The following USP32 variants were observed in gnomAD, a reference collection of about 807,000 sequenced individuals.
The protein encoded by USP32 is ubiquitin specific peptidase 32.
In USP32, 59 loss-of-function variants were observed where a neutral mutation model predicts 204.8. The ratio of observed to expected loss-of-function variants is 0.29; its 90% CI spans 0.23 to 0.36. USP32 has a LOEUF of 0.36. Among genes scored for constraint, USP32 ranks in the 10% least tolerant of loss-of-function variants. USP32 has a pLI of 1.00. For synonymous variants in USP32, 517 were observed against 678.4 expected (o/e 0.76, Z 3.70); for missense variants, 1,160 against 1,946.4 (o/e 0.60, Z 7.60).
intron 28 of USP32, among the ~76,000 whole-genome samples, chr17:60,191,441 A>G (rs959258968): frequency 6.9e-6 from 1 of 144,144 alleles, no homozygotes; most frequent in Non-Finnish European, 1.5e-5. Flanking sequence ...ATAGAGTTGC[A>G]GAGGTGGGGT....
rs148679051 is a variant in USP32, at chr17:60,332,239, C to T, written c.186+13242G>A. On this transcript the variant is annotated intron_variant, in intron 2 of 33. Coordinates refer to ENST00000300896, the MANE Select transcript of USP32 (RefSeq NM_032582.4). The stretch of plus-strand genomic sequence containing the variant: ...CGCCACTCCAGCCTGGGTGACAGAG[C>T]GAGATGCTGTCTCAAGAAAGAAAAA... 7.3e-3 allele frequency among the ~76,000 whole-genome samples: 1,111 copies of T among 151,594 alleles called. 17 individuals carry two copies. The highest frequency in any genetic ancestry group is 0.026 in the African/African-American group (1,059 of 41,326).
chr17:60,374,461 G>A (rs1255174733), intron 1 of USP32, among the ~76,000 whole-genome samples: 1 of 151,264 alleles, frequency 6.6e-6, no homozygotes, highest in Non-Finnish European at 1.5e-5. Flanking sequence ...GCACTGGCGT[G>A]ATCAAGGCTC....
intron 19 of USP32, among the ~76,000 whole-genome samples, 181 bp from the exon 20 acceptor site, chr17:60,211,695 T>C (rs567007474): frequency 6.6e-6 from 1 of 152,254 alleles, no homozygotes; most frequent in East Asian, 1.9e-4. Flanking sequence ...CTGGCAACAG[T>C]GATGATCCAT....
At chr17:60,421,928 A>G (rs1479459831) in intron 1 of USP32, 3 of 985,598 alleles carry the variant, frequency 3.0e-6, no homozygotes, top group African/African-American at 1.7e-5. Flanking sequence ...TACCTGCCCC[A>G]GGGAAGGCCG....
intron 2 of USP32, among the ~76,000 whole-genome samples, chr17:60,318,172 G>T (rs986597261): frequency 2.6e-5 from 4 of 152,116 alleles, no homozygotes; most frequent in African/African-American, 9.7e-5. Context: ...TTCATCTTAG[G>T]CTGTGACACT....
chr17:60,421,402 C>G (rs2090112060), intron 1 of USP32: 1 of 985,516 alleles, frequency 1.0e-6, no homozygotes, highest in Non-Finnish European at 1.2e-6. Flanking sequence ...CTCCTGTGCC[C>G]GAGGTGGCCG....
In USP32 at chr17:60,265,467, T is replaced by C. The variant is rs143667322; in HGVS notation, c.935A>G (p.His312Arg). 1.7e-3 allele frequency: 2,746 copies of C among 1,598,302 alleles called. 1 individual carries two copies. Among genetic ancestry groups the C allele is most frequent in the Non-Finnish European group, 2.2e-3 (2,563 of 1,168,286 alleles). ...TTCTACAATATCAGAGAGATCCATATGTAATTCCTTTAAAAATAACCCAAA... is the reference window on the plus strand; with the variant it reads ...TTCTACAATATCAGAGAGATCCATACGTAATTCCTTTAAAAATAACCCAAA... ...DNRTDDIPEL[H>R]MDLSDIVEGI... Residue 312 changes from histidine (H) to arginine (R), a missense_variant, in exon 9 of 34, where the codon CAT becomes CGT. His to Arg is a conservative substitution (Grantham distance 29). This residue lies in a region of USP32 where 536 missense variants were observed against 680.9 expected (regional missense o/e 0.79). Transcript: ENST00000300896.
At chr17:60,210,098 G>T (rs1314007793) in intron 21 of USP32, among the ~76,000 whole-genome samples, 2 of 151,852 alleles carry the variant, frequency 1.3e-5, no homozygotes, top group Non-Finnish European at 2.9e-5. Context: ...TTATATTATA[G>T]AATTATTTTG....
intron 14 of USP32, among the ~76,000 whole-genome samples, chr17:60,222,768 G>A (rs1208860606): frequency 6.9e-6 from 1 of 144,346 alleles, no homozygotes; most frequent in African/African-American, 2.6e-5. Flanking sequence ...TGCAGCCTCC[G>A]CCTCCCGGGT....
intron 1 of USP32, among the ~76,000 whole-genome samples, chr17:60,365,218 T>C (rs1220027790): frequency 6.6e-6 from 1 of 152,122 alleles, no homozygotes; most frequent in Admixed American, 6.5e-5. Context: ...CGGTGGCTCA[T>C]ACCTGTAATC....
chr17:60,392,018 G>GGGTGAC lies in USP32; in HGVS notation c.-85_-80dup, dbSNP rs2089847303. 6.1e-6 allele frequency: 9 copies of GGGTGAC among 1,481,204 alleles called. No homozygotes were observed. The highest frequency in any genetic ancestry group is 5.2e-5 in the East Asian group (2 of 38,410). 91.8% of individuals were successfully genotyped at this position (1,481,204 alleles called of 1,614,324 possible). ...CTCCCGCCTTCTCCTCGGCGTCCCT[G>GGGTGAC]GGTGACGGTGACGGTGTCGGCGTCC... is the stretch of plus-strand genomic sequence containing the variant. On this transcript the variant is annotated 5_prime_UTR_variant, in exon 1 of 34. Coordinates refer to ENST00000300896, the MANE Select transcript of USP32 (RefSeq NM_032582.4).
At chr17:60,312,566 A>G (rs1192006075) in intron 2 of USP32, among the ~76,000 whole-genome samples, 1 of 152,030 alleles carries the variant, frequency 6.6e-6, no homozygotes, top group Non-Finnish European at 1.5e-5. Flanking sequence ...GAGGACTCCC[A>G]AGTAGCTGAG....
At chr17:60,383,578 A>G (rs910162390) in intron 1 of USP32, among the ~76,000 whole-genome samples, 2 of 152,234 alleles carry the variant, frequency 1.3e-5, no homozygotes, top group Non-Finnish European at 2.9e-5. Flanking sequence ...TGATAGACAA[A>G]TACCACTTCA....
intron 11 of USP32, among the ~76,000 whole-genome samples, chr17:60,240,166 A>G (rs2085839924): frequency 6.6e-6 from 1 of 152,208 alleles, no homozygotes; most frequent in African/African-American, 2.4e-5. Context: ...AATTTCTATT[A>G]ATTTCCTCTG....
At chr17:60,251,915 A>C (rs1338862813) in intron 11 of USP32, among the ~76,000 whole-genome samples, 1 of 152,044 alleles carries the variant, frequency 6.6e-6, no homozygotes, top group Non-Finnish European at 1.5e-5. Flanking sequence ...GAGTGAAAAT[A>C]GGAGCAGGGA....
At chr17:60,383,555 T>C (rs573075289) in intron 1 of USP32, among the ~76,000 whole-genome samples, 1 of 152,244 alleles carries the variant, frequency 6.6e-6, no homozygotes, top group Non-Finnish European at 1.5e-5. Flanking sequence ...CTGTTCAGAA[T>C]ATTGCACAAT....
intron 5 of USP32, among the ~76,000 whole-genome samples, chr17:60,279,390 C>G (rs898169237): frequency 6.6e-6 from 1 of 150,920 alleles, no homozygotes; most frequent in Admixed American, 6.6e-5. Context: ...GAGGCTGAGG[C>G]AGGAGGATCC....
Position 60,380,792 on chromosome 17 carries a change from C to T in USP32, c.58+11090G>A, listed in dbSNP as rs544420075. Among the ~76,000 whole-genome samples, 299 of 152,278 alleles carry T rather than the reference C, an allele frequency of 2.0e-3. 1 individual carries two copies. The highest frequency in any genetic ancestry group is 6.7e-3 in the African/African-American group (280 of 41,558). ...CATTTGCTATTTGAGAGAAATGTCT[C>T]AGAACCAGTCAAACCAAGGCTCACC... On this transcript the variant is annotated intron_variant, in intron 1 of 33. Transcript: ENST00000300896.
At chr17:60,274,591 C>T (rs780215813) in intron 5 of USP32, among the ~76,000 whole-genome samples, 1 of 152,004 alleles carries the variant, frequency 6.6e-6, no homozygotes, top group African/African-American at 2.4e-5. Context: ...CAGAAAAAAA[C>T]CCCAGAAAGC....
Sources: allele counts gnomAD v4.1 joint callset (sites outside exome capture counted in the v4.1 genomes callset), GRCh38; gene constraint gnomAD v4.1.1; regional missense constraint gnomAD v4.1.1; transcripts MANE v1.5; gene names NCBI Gene and HGNC (gene_info 2026-07-23, HGNC 2026-07-21).